The following ATP13A3 variants were observed in gnomAD, a reference collection of about 807,000 sequenced individuals.
ATP13A3 encodes polyamine-transporting ATPase 13A3.
A neutral mutation model predicts 158.1 loss-of-function variants in ATP13A3; 59 were observed. The observed-to-expected ratio is 0.37, with a 90% CI of 0.30 to 0.46. The LOEUF is 0.46. Ranked by LOEUF, ATP13A3 falls within the 20% of genes least tolerant of loss-of-function variation. The pLI is 1.00. For missense variants in ATP13A3, 1,166 were observed against 1,525.2 expected, an observed-to-expected ratio of 0.76 and a Z score of 3.92; for synonymous variants, 491 against 504.3, an observed-to-expected ratio of 0.97 and a Z score of 0.35.
intron 3 of ATP13A3, among the ~76,000 whole-genome samples, chr3:194,461,151 T>A (rs1419231672): frequency 2.0e-5 from 3 of 152,224 alleles, no homozygotes; most frequent in African/African-American, 7.2e-5. Context: ...GTTACATATC[T>A]TTTTAATTCT....
At chr3:194,454,483 A>G (rs1719051912) in intron 8 of ATP13A3, 91 bp from the exon 9 acceptor site, 1 of 1,318,664 alleles carries the variant, frequency 7.6e-7, no homozygotes, top group Admixed American at 2.1e-5. Context: ...AAAAGATACA[A>G]ATATGTACAA....
chr3:194,437,021 G>C (rs1717691938), intron 20 of ATP13A3, 74 bp downstream of exon 20: 1 of 1,484,052 alleles, frequency 6.7e-7, no homozygotes, highest in African/African-American at 1.4e-5. Flanking sequence ...TCAATTACAT[G>C]CAAATTACTG....
intron 2 of ATP13A3, among the ~76,000 whole-genome samples, chr3:194,476,780 T>C (rs993959606): frequency 5.9e-5 from 9 of 151,476 alleles, no homozygotes; most frequent in African/African-American, 2.0e-4. Flanking sequence ...TTTTTTTTTT[T>C]CAAAACAATT....
At chr3:194,429,919 G>C in intron 26 of ATP13A3, 145 bp from the exon 27 acceptor site, 1 of 954,618 alleles carries the variant, frequency 1.0e-6, no homozygotes, top group Non-Finnish European at 1.6e-6. Context: ...AACCAAATGA[G>C]GAGTAGCAAT....
At chr3:194,461,979 A>G (rs1453471057) in intron 3 of ATP13A3, among the ~76,000 whole-genome samples, 161 bp downstream of exon 3, 1 of 152,252 alleles carries the variant, frequency 6.6e-6, no homozygotes, top group African/African-American at 2.4e-5. Flanking sequence ...ACTAATAGAC[A>G]TATTACACAA....
Position 194,419,935 on chromosome 3 carries a change from T to A in ATP13A3, c.3346A>T (p.Ile1116Phe), listed in dbSNP as rs200180433. 136 of 1,536,090 alleles carry A rather than the reference T, an allele frequency of 8.9e-5. 1 individual carries two copies. The highest frequency in any genetic ancestry group is 5.7e-4 in the Middle Eastern group (3 of 5,264). Residue 1116 changes from isoleucine to phenylalanine, a missense_variant, in exon 31 of 34, where the codon ATT becomes TTT. Transcript: ENST00000645319. Reference sequence around the variant, plus strand: ...TACAACATGATGAATAATATAAAAATATATAAAAAAATCACAGAAAAAACA... The same window carrying A: ...TACAACATGATGAATAATATAAAAAAATATAAAAAAATCACAGAAAAAACA... The part of the protein sequence containing the change: ...FFVFSVIFLY[I>F]FILFIMLYPV...
chr3:194,443,050 A>G (rs540241043), intron 15 of ATP13A3, among the ~76,000 whole-genome samples: 5 of 152,204 alleles, frequency 3.3e-5, no homozygotes, highest in African/African-American at 1.2e-4. Flanking sequence ...AAAAAAAAAA[A>G]AAGAGTGACA....
Position 194,437,311 on chromosome 3 carries a change from C to T in ATP13A3, c.1999G>A (p.Val667Ile), listed in dbSNP as rs753941328. 2 of 1,614,070 alleles carry T rather than the reference C, an allele frequency of 1.2e-6. No homozygotes were observed. Among genetic ancestry groups the T allele is most frequent in the Admixed American group, 3.3e-5 (2 of 59,990 alleles). The change falls in exon 19 of 34, where the codon GTT becomes ATT. Residue 667 changes from valine (V) to isoleucine (I), a missense_variant and splice_region_variant. By Grantham distance (29) the Val-to-Ile change is conservative. Around this residue, in one of 3 missense-constraint regions of ATP13A3, gnomAD observed 997 missense variants for 1,341.2 expected, o/e 0.74. Transcript: ENST00000645319. ...ACCCAAAGCATAGATATTTCCTTACCTGTTTCAGGTTTACAGAGACCGGCA... is the reference window on the plus strand; with the variant it reads ...ACCCAAAGCATAGATATTTCCTTACTTGTTTCAGGTTTACAGAGACCGGCA... The part of the protein sequence containing the change: ...AIAGLCKPET[V>I]PVDFQNVLED...
Position 194,450,184 on chromosome 3 carries a change from T to C in ATP13A3, c.931A>G (p.Ile311Val). The C allele has an allele frequency of 3.7e-6, 6 of 1,614,020 alleles. No individual in the cohort carries two copies. Among genetic ancestry groups the C allele is most frequent in the Non-Finnish European group, 5.1e-6 (6 of 1,179,922 alleles). Reference protein sequence around the residue: ...GTIMPCDAVLINGTCIVNESM... With the variant: ...GTIMPCDAVLVNGTCIVNESM... ...TCGTTTACAATGCAGGTACCATTAA[T>C]AAGCACAGCATCACAAGGCATTATT... Residue 311 changes from isoleucine (I) to valine (V), a missense_variant, in exon 11 of 34, where the codon ATT becomes GTT. Coordinates refer to ENST00000645319, the MANE Select transcript of ATP13A3 (RefSeq NM_001367549.1).
chr3:194,464,941 G>C (rs1719899990), intron 2 of ATP13A3, among the ~76,000 whole-genome samples: 1 of 152,002 alleles, frequency 6.6e-6, no homozygotes. Flanking sequence ...AACCAATTCT[G>C]ATCTCCAGTT....
chr3:194,483,835 G>A (rs1433658909), intron 2 of ATP13A3, among the ~76,000 whole-genome samples: 1 of 152,182 alleles, frequency 6.6e-6, no homozygotes, highest in Non-Finnish European at 1.5e-5. Context: ...GCAAGAAGCA[G>A]TATTAAAAAA....
chr3:194,437,746 T>C (rs1394348803), intron 17 of ATP13A3, among the ~76,000 whole-genome samples, 173 bp from the exon 18 acceptor site: 1 of 152,230 alleles, frequency 6.6e-6, no homozygotes, highest in Admixed American at 6.5e-5. Context: ...TTTTAAAAAG[T>C]ATGTTCTTAA....
At chr3:194,469,740 C>T (rs141948386) in intron 2 of ATP13A3, among the ~76,000 whole-genome samples, 576 of 152,186 alleles carry the variant, frequency 3.8e-3, no homozygotes, top group African/African-American at 0.012. Context: ...GCCAAGAGTG[C>T]TTTAATGATC....
intron 21 of ATP13A3, among the ~76,000 whole-genome samples, chr3:194,432,887 C>T (rs1047805497): frequency 6.6e-6 from 1 of 151,470 alleles, no homozygotes; most frequent in African/African-American, 2.4e-5. Flanking sequence ...CTAATATTAT[C>T]AACAGTATAG....
At chr3:194,446,155 T>C (rs559650389) in intron 14 of ATP13A3, among the ~76,000 whole-genome samples, 1 of 152,192 alleles carries the variant, frequency 6.6e-6, no homozygotes, top group Non-Finnish European at 1.5e-5. Flanking sequence ...ATCCAAAGTA[T>C]TAAAAATTGA....
chr3:194,465,411 TTG>T lies in ATP13A3; in HGVS notation c.-46-3177_-46-3176del, dbSNP rs1329268589. 3.3e-5 allele frequency among the ~76,000 whole-genome samples: 5 copies of T among 152,114 alleles called. No individual in the cohort carries two copies. In the East Asian group the frequency reaches 9.7e-4, roughly 29 times the overall value. ...CCTTCAGCTGCGTACCGCTCAGCAC[TTG>T]TGTGTGAAGAAACTACCGAAGGCCA... On this transcript the variant is annotated intron_variant, in intron 2 of 33. Coordinates refer to ENST00000645319, the MANE Select transcript of ATP13A3 (RefSeq NM_001367549.1).
At position 194,460,727 on chromosome 3, in the gene ATP13A3, C is replaced by T. The variant is rs766293428; in HGVS notation, c.156G>A (p.Glu52=). 3 of 1,614,054 alleles carry T rather than the reference C, an allele frequency of 1.9e-6. No homozygotes were observed. In the South Asian group the frequency reaches 3.3e-5, roughly 18 times the overall value. Residue 52 remains glutamate, a synonymous_variant, in exon 4 of 34, where the codon GAG becomes GAA. Transcript: ENST00000645319. ...TGACACAGGTCGCTTTCACCCGCCACTCAGGCATCCAATAGAGGAGGAGGA... is the reference window on the plus strand; with the variant it reads ...TGACACAGGTCGCTTTCACCCGCCATTCAGGCATCCAATAGAGGAGGAGGA... The part of the protein sequence containing the change: ...FLLLLLYWMP[E]WRVKATCVRA...
intron 33 of ATP13A3, among the ~76,000 whole-genome samples, chr3:194,406,483 A>G (rs1332543596): frequency 6.6e-6 from 1 of 152,228 alleles, no homozygotes; most frequent in African/African-American, 2.4e-5. Context: ...GGGATAATCA[A>G]TATGATTGAC....
chr3:194,421,154 TATATA>T (rs1716321759), intron 30 of ATP13A3, among the ~76,000 whole-genome samples: 1 of 3,610 alleles, frequency 2.8e-4, no homozygotes, highest in South Asian at 0.012. Flanking sequence ...TATATATATA[TATATA>T]TATATATATA....
Sources: gnomAD v4.1 joint callset for allele counts (sites outside exome capture counted in the v4.1 genomes callset) on GRCh38, gnomAD v4.1.1 for gene constraint, gnomAD v4.1.1 regional missense constraint, MANE v1.5 for transcripts, NCBI Gene and HGNC (gene_info 2026-07-23, HGNC 2026-07-21) for gene names.